The following SNX18 variants were observed in gnomAD, a reference collection of about 807,000 sequenced individuals.
The protein encoded by SNX18 is sorting nexin-18.
In SNX18, 35 loss-of-function variants were observed where a neutral mutation model predicts 48.7. The ratio of observed to expected loss-of-function variants is 0.72; its 90% confidence interval spans 0.55 to 0.95. SNX18 has a LOEUF of 0.95. Among genes scored for constraint, SNX18 ranks in the 40% least tolerant of loss-of-function variants. The pLI is 0.00. For synonymous variants in SNX18, 492 were observed against 384.7 expected (o/e 1.28, Z -3.26); for missense variants, 824 against 871.0 (o/e 0.95, Z 0.68).
chr5:54,595,735 A>G, the SNX18 span, among the ~76,000 whole-genome samples: 1 of 152,164 alleles, frequency 6.6e-6, no homozygotes, highest in African/African-American at 2.4e-5. Flanking sequence ...AATTGTCACA[A>G]ACTAGGTGGC....
the SNX18 span, among the ~76,000 whole-genome samples, chr5:54,630,323 C>CTG: frequency 9.2e-5 from 14 of 151,844 alleles, no homozygotes; most frequent in South Asian, 2.1e-4. Flanking sequence ...ACTTGTGTAC[C>CTG]TGTGTGTGTG....
the SNX18 span, among the ~76,000 whole-genome samples, chr5:54,553,204 G>A: frequency 6.6e-6 from 1 of 152,196 alleles, no homozygotes; most frequent in Non-Finnish European, 1.5e-5. Context: ...TCCCAGGGGC[G>A]TTGAGCAGGA....
chr5:54,591,538 G>C, the SNX18 span, among the ~76,000 whole-genome samples: 1 of 152,176 alleles, frequency 6.6e-6, no homozygotes. Flanking sequence ...GCCATGCAAG[G>C]GAAGGTGGGC....
At chr5:54,570,666 A>G in the SNX18 span, among the ~76,000 whole-genome samples, 1 of 152,216 alleles carries the variant, frequency 6.6e-6, no homozygotes, top group Non-Finnish European at 1.5e-5. Flanking sequence ...TTCAGCAAAG[A>G]TCAAGTAACT....
At chr5:54,590,230 C>CT in the SNX18 span, among the ~76,000 whole-genome samples, 11 of 152,204 alleles carry the variant, frequency 7.2e-5, no homozygotes, top group African/African-American at 2.4e-4. Flanking sequence ...CTGATGCTGG[C>CT]TAGTAAGGCC....
chr5:54,630,457 G>T, the SNX18 span, among the ~76,000 whole-genome samples: 4 of 152,132 alleles, frequency 2.6e-5, no homozygotes, highest in African/African-American at 9.7e-5. Flanking sequence ...CCACCATCTT[G>T]GCGAAAGTGC....
the SNX18 span, among the ~76,000 whole-genome samples, chr5:54,576,597 A>G: frequency 6.6e-6 from 1 of 152,166 alleles, no homozygotes; most frequent in African/African-American, 2.4e-5. Context: ...CATGGTGTCA[A>G]CGTTTCTTAT....
chr5:54,637,520 AGGC>A, the SNX18 span, among the ~76,000 whole-genome samples: 1 of 152,100 alleles, frequency 6.6e-6, no homozygotes, highest in African/African-American at 2.4e-5. Context: ...GGGGTGGGGT[AGGC>A]TAGGTTCAGG....
At chr5:54,613,375 G>A in the SNX18 span, among the ~76,000 whole-genome samples, 2 of 152,020 alleles carry the variant, frequency 1.3e-5, no homozygotes, top group East Asian at 1.9e-4. Flanking sequence ...AAGGCAGAAG[G>A]TCAAGAGATC....
At chr5:54,624,501 T>A in the SNX18 span, among the ~76,000 whole-genome samples, 3 of 152,190 alleles carry the variant, frequency 2.0e-5, no homozygotes, top group Non-Finnish European at 4.4e-5. Flanking sequence ...AATGCAGTCC[T>A]CCATGTAACA....
At chr5:54,572,517 A>G in the SNX18 span, among the ~76,000 whole-genome samples, 1 of 151,984 alleles carries the variant, frequency 6.6e-6, no homozygotes, top group Non-Finnish European at 1.5e-5. Context: ...CAAATTTTAT[A>G]CCAAAGTATG....
rs751084718 is a variant in SNX18, at chr5:54,543,244, G to A, written c.1687G>A (p.Ala563Thr). 17 of 1,614,126 alleles carry A rather than the reference G, an allele frequency of 1.1e-5. No individual in the cohort carries two copies. Among genetic ancestry groups the A allele is most frequent in the Non-Finnish European group, 1.4e-5 (17 of 1,180,022 alleles). Residue 563 changes from alanine (A) to threonine (T), a missense_variant, in exon 2 of 2, where the codon GCT becomes ACT. By Grantham distance (58) the Ala-to-Thr change is moderately conservative. Coordinates refer to ENST00000381410, the MANE Select transcript of SNX18 (RefSeq NM_001102575.2). ...VEEGKMEVQK[A>T]DGIQDRCNTI... ...GGAAGGGAAGATGGAGGTGCAGAAG[G>A]CTGACGGCATTCAGGATCGCTGTAA...
At chr5:54,622,748 A>G in the SNX18 span, among the ~76,000 whole-genome samples, 1 of 151,756 alleles carries the variant, frequency 6.6e-6, no homozygotes, top group African/African-American at 2.4e-5. Flanking sequence ...TACATCTATT[A>G]ATTTATCTAA....
At chr5:54,585,830 C>T in the SNX18 span, among the ~76,000 whole-genome samples, 4 of 151,724 alleles carry the variant, frequency 2.6e-5, no homozygotes, top group Non-Finnish European at 5.9e-5. Flanking sequence ...GGTGAAACCC[C>T]GTCTCTACTA....
chr5:54,568,202 A>G, the SNX18 span, among the ~76,000 whole-genome samples: 23 of 152,300 alleles, frequency 1.5e-4, no homozygotes, highest in African/African-American at 5.1e-4. Context: ...TTGTCATGCC[A>G]AGATTTGTGT....
chr5:54,598,524 C>A, the SNX18 span, among the ~76,000 whole-genome samples: 1 of 152,150 alleles, frequency 6.6e-6, no homozygotes, highest in Admixed American at 6.5e-5. Flanking sequence ...CATCAAGGAG[C>A]TTATCCACCA....
intron 1 of SNX18, among the ~76,000 whole-genome samples, chr5:54,533,026 C>T (rs1259484766): frequency 6.6e-6 from 1 of 152,128 alleles, no homozygotes; most frequent in Admixed American, 6.5e-5. Flanking sequence ...TTACCTGAAA[C>T]AGACTAATGA....
At chr5:54,588,875 C>T in the SNX18 span, among the ~76,000 whole-genome samples, 1 of 152,174 alleles carries the variant, frequency 6.6e-6, no homozygotes. Context: ...GTCAAGGTAT[C>T]ACTGAATTTT....
At chr5:54,633,417 G>T in the SNX18 span, among the ~76,000 whole-genome samples, 1 of 152,102 alleles carries the variant, frequency 6.6e-6, no homozygotes, top group Admixed American at 6.6e-5. Context: ...GATAGAGTTG[G>T]GTGACTGAAT....
Sources: gnomAD v4.1 joint callset for allele counts (sites outside exome capture counted in the v4.1 genomes callset) on GRCh38, gnomAD v4.1.1 for gene constraint, MANE v1.5 for transcripts, NCBI Gene and HGNC (gene_info 2026-07-23, HGNC 2026-07-21) for gene names.